DCLK2: variants seen among roughly 807,000 people sequenced by gnomAD.
The protein encoded by DCLK2 is doublecortin like kinase 2, also known as serine/threonine-protein kinase DCLK2.
A neutral mutation model predicts 78.4 loss-of-function variants in DCLK2; 31 were observed. That is an observed-to-expected ratio of 0.40 (90% CI 0.30 to 0.53). The LOEUF (loss-of-function observed/expected upper bound fraction) is 0.53, where lower values mean the gene tolerates loss of function less well. DCLK2 is among the 20% of genes least tolerant of loss of function. The pLI, the probability that DCLK2 is intolerant of heterozygous loss-of-function variation, is 0.61. For missense variants in DCLK2, 872 were observed against 973.7 expected, an observed-to-expected ratio of 0.90 and a Z score of 1.39; for synonymous variants, 407 against 374.9, an observed-to-expected ratio of 1.09 and a Z score of -0.99.
At chr4:150,120,514 G>A (rs1346457207) in intron 2 of DCLK2, among the ~76,000 whole-genome samples, 1 of 152,140 alleles carries the variant, frequency 6.6e-6, no homozygotes, top group East Asian at 1.9e-4. Flanking sequence ...TTGAATCTAA[G>A]TTAAAAATTG....
intron 2 of DCLK2, among the ~76,000 whole-genome samples, chr4:150,116,090 T>A (rs1051596787): frequency 3.3e-5 from 5 of 152,216 alleles, no homozygotes; most frequent in African/African-American, 7.2e-5. Flanking sequence ...CCTCTTTTCA[T>A]CTGCAGGCAT....
intron 12 of DCLK2, among the ~76,000 whole-genome samples, chr4:150,246,208 C>G (rs1743295657): frequency 6.6e-6 from 1 of 152,098 alleles, no homozygotes; most frequent in Non-Finnish European, 1.5e-5. Context: ...CCATGCCTGG[C>G]TGATTTTTTT....
chr4:150,144,281 A>G (rs1367972006), intron 2 of DCLK2, among the ~76,000 whole-genome samples: 1 of 152,060 alleles, frequency 6.6e-6, no homozygotes, highest in Non-Finnish European at 1.5e-5. Context: ...TAGGGGTCCA[A>G]TTTTATTCTT....
At chr4:150,197,957 G>A (rs779784720) in intron 3 of DCLK2, 45 bp from the exon 4 acceptor site, 32 of 1,512,268 alleles carry the variant, frequency 2.1e-5, no homozygotes, top group East Asian at 6.8e-5. Flanking sequence ...GCTTTTGGTC[G>A]TTATTAAAAC....
chr4:150,249,240 C>G (rs1743561724), intron 14 of DCLK2, among the ~76,000 whole-genome samples: 1 of 152,070 alleles, frequency 6.6e-6, no homozygotes, highest in Non-Finnish European at 1.5e-5. Context: ...TGGGAGGGAT[C>G]ATACTAAATC....
intron 2 of DCLK2, among the ~76,000 whole-genome samples, chr4:150,180,297 C>T (rs1737414422): frequency 6.6e-6 from 1 of 152,066 alleles, no homozygotes. Context: ...AAGGTAGTTT[C>T]CTGGGAGTTA....
Position 150,198,194 on chromosome 4 carries a change from C to G in DCLK2, c.961+91C>G, listed in dbSNP as rs1019293201. The G allele has an allele frequency of 3.4e-6, 4 of 1,191,398 alleles. No individual in the cohort carries two copies. The African/African-American group carries it at 4.7e-5, about 14-fold the overall frequency. The allele number at this position is 1,191,398 out of a possible 1,614,324, so 73.8% of individuals were successfully genotyped here. Reference sequence around the variant, plus strand: ...ATTTTTATGAATTAGTAGTCTTTGCCAGGGTCGTATGCAGCCAAGTTCCAG... The same window carrying G: ...ATTTTTATGAATTAGTAGTCTTTGCGAGGGTCGTATGCAGCCAAGTTCCAG... On this transcript the variant is annotated intron_variant, in intron 4 of 15. Transcript: ENST00000296550.
At position 150,149,093 on chromosome 4, in the gene DCLK2, AAAAG is replaced by A. The variant is rs554232399; in HGVS notation, c.757-44025_757-44022del. Among the ~76,000 whole-genome samples the A allele has an allele frequency of 2.0e-3, 303 of 151,634 alleles. 1 individual carries two copies. Among genetic ancestry groups the A allele is most frequent in the African/African-American group, 6.9e-3 (286 of 41,398 alleles). On this transcript the variant is annotated intron_variant, in intron 2 of 15. Coordinates refer to ENST00000296550, the MANE Select transcript of DCLK2 (RefSeq NM_001040260.4). Reference sequence around the variant, plus strand: ...AGACCATGGATACCTGAAAGAAAAGAAAAGAAAGAAAGAAAGAAAGAAATGGAGA... The same window carrying A: ...AGACCATGGATACCTGAAAGAAAAGAAAAGAAAGAAAGAAAGAAATGGAGA...
chr4:150,125,445 A>G (rs1233376557), intron 2 of DCLK2, among the ~76,000 whole-genome samples: 1 of 152,246 alleles, frequency 6.6e-6, no homozygotes, highest in Non-Finnish European at 1.5e-5. Context: ...AGTGACAACC[A>G]TCAATGATAT....
rs750794782 is a variant in DCLK2 at position 150,102,752 on chromosome 4, C to T, written c.696C>T (p.Thr232=). 1.7e-5 allele frequency: 28 copies of T among 1,613,938 alleles called. No individual in the cohort carries two copies. Among genetic ancestry groups the T allele is most frequent in the Admixed American group, 6.7e-5 (4 of 59,988 alleles). The part of the protein sequence containing the change: ...HSFEQVLTDI[T]EAIKLDSGVV... ...TTGAACAAGTCTTAACAGATATCAC[C>T]GAAGCCATTAAACTAGACTCAGGAG... The change falls in exon 2 of 16, where the codon ACC becomes ACT. Residue 232 remains threonine, a synonymous_variant. Transcript: ENST00000296550.
chr4:150,142,682 T>C (rs1003991647), intron 2 of DCLK2, among the ~76,000 whole-genome samples: 2 of 152,188 alleles, frequency 1.3e-5, no homozygotes, highest in South Asian at 2.1e-4. Context: ...TTCGATACCC[T>C]TGGATCCGAG....
intron 7 of DCLK2, among the ~76,000 whole-genome samples, chr4:150,223,911 T>C (rs1254272031): frequency 6.6e-6 from 1 of 152,130 alleles, no homozygotes; most frequent in Non-Finnish European, 1.5e-5. Flanking sequence ...AGGGGACTTT[T>C]CACTTTTGAA....
Position 150,193,151 on chromosome 4 carries a change from A to C in DCLK2, c.770A>C (p.Gln257Pro), listed in dbSNP as rs1313652067. 6.2e-7 allele frequency: 1 copy of C among 1,608,300 alleles called. No homozygotes were observed. The highest frequency in any genetic ancestry group is 1.7e-5 in the Admixed American group (1 of 59,938). The stretch of plus-strand genomic sequence containing the variant: ...TTTTGTTCTCAGGTTACTTGTCTGC[A>C]AGACTTTTTTGGTGATGACGATGTT... ...TLDGKQVTCL[Q>P]DFFGDDDVFI... The change falls in exon 3 of 16, where the codon CAA becomes CCA. Residue 257 changes from glutamine to proline, a missense_variant. Around this residue, in one of 3 missense-constraint regions of DCLK2, gnomAD observed 567 missense variants for 593.4 expected, o/e 0.96. Transcript: ENST00000296550.
intron 5 of DCLK2, among the ~76,000 whole-genome samples, chr4:150,206,949 C>T (rs1226782174): frequency 6.6e-6 from 1 of 152,048 alleles, no homozygotes; most frequent in East Asian, 1.9e-4. Flanking sequence ...TTGCAAGGCA[C>T]CAGCTTATTT....
chr4:150,103,913 A>G (rs945282803), intron 2 of DCLK2, among the ~76,000 whole-genome samples: 4 of 152,194 alleles, frequency 2.6e-5, no homozygotes, highest in Non-Finnish European at 5.9e-5. Flanking sequence ...GTGAATGATG[A>G]TAGACACTTC....
At chr4:150,180,404 A>G (rs1737422759) in intron 2 of DCLK2, among the ~76,000 whole-genome samples, 1 of 152,098 alleles carries the variant, frequency 6.6e-6, no homozygotes, top group Admixed American at 6.6e-5. Flanking sequence ...GAAGATTGCC[A>G]CCTTTTGCTT....
chr4:150,121,803 G>A (rs1271670566), intron 2 of DCLK2, among the ~76,000 whole-genome samples: 1 of 152,194 alleles, frequency 6.6e-6, no homozygotes, highest in Non-Finnish European at 1.5e-5. Flanking sequence ...CCTTGATCCA[G>A]GAGCTGCAGA....
chr4:150,112,933 C>T (rs1219568773), intron 2 of DCLK2, among the ~76,000 whole-genome samples: 1 of 150,896 alleles, frequency 6.6e-6, no homozygotes, highest in African/African-American at 2.4e-5. Context: ...GCCTCAGCCT[C>T]CCAAGTAGCT....
intron 2 of DCLK2, among the ~76,000 whole-genome samples, chr4:150,179,173 G>A (rs930895456): frequency 4.6e-5 from 7 of 151,962 alleles, no homozygotes; most frequent in East Asian, 1.9e-4. Context: ...GACTACAGGC[G>A]CCCGCCACCA....
Sources: gnomAD v4.1 joint callset for allele counts (sites outside exome capture counted in the v4.1 genomes callset) on GRCh38, gnomAD v4.1.1 for gene constraint, gnomAD v4.1.1 regional missense constraint, MANE v1.5 for transcripts, NCBI Gene and HGNC (gene_info 2026-07-23, HGNC 2026-07-21) for gene names.